Variants in CXADR observed in about 807,000 individuals in gnomAD.
CXADR encodes CXADR cell adhesion molecule.
In CXADR, 20 loss-of-function variants were observed where a neutral mutation model predicts 40.3. The observed-to-expected ratio is 0.50, with a 90% CI of 0.35 to 0.72. The LOEUF (loss-of-function observed/expected upper bound fraction) is 0.72, where lower values mean the gene tolerates loss of function less well. Ranked by LOEUF, CXADR falls within the 30% of genes least tolerant of loss-of-function variation. CXADR has a pLI of 0.01. For synonymous variants in CXADR, 150 were observed against 161.3 expected, an observed-to-expected ratio of 0.93 and a Z score of 0.53; for missense variants, 332 against 449.1, an observed-to-expected ratio of 0.74 and a Z score of 2.36.
At chr21:17,618,993 A>G in the CXADR span, among the ~76,000 whole-genome samples, 2 of 152,284 alleles carry the variant, frequency 1.3e-5, no homozygotes, top group Non-Finnish European at 1.5e-5. Flanking sequence ...GTCAATGAGC[A>G]GTAATATTTT....
chr21:17,562,552 G>A (rs927657054), intron 6 of CXADR, among the ~76,000 whole-genome samples: 1 of 152,188 alleles, frequency 6.6e-6, no homozygotes, highest in Non-Finnish European at 1.5e-5. Context: ...GAACTCCTGG[G>A]CTGCATTGGC....
intron 1 of CXADR, among the ~76,000 whole-genome samples, chr21:17,516,310 C>T (rs534283779): frequency 6.6e-6 from 1 of 152,240 alleles, no homozygotes; most frequent in Non-Finnish European, 1.5e-5. Context: ...ACAGCAGCCA[C>T]TTTCTCTTAC....
intron 6 of CXADR, among the ~76,000 whole-genome samples, chr21:17,563,138 A>C (rs1292572827): frequency 1.3e-5 from 2 of 152,140 alleles, no homozygotes; most frequent in African/African-American, 4.8e-5. Context: ...GGTTTTCAAC[A>C]TGCTGTCCTC....
At chr21:17,605,074 C>A in the CXADR span, 1 of 1,478,122 alleles carries the variant, frequency 6.8e-7, no homozygotes, top group Non-Finnish European at 9.2e-7. Flanking sequence ...TCATACTTGC[C>A]AAGGTGAGTA....
chr21:17,568,098 T>A lies in CXADR; in HGVS notation c.*2406T>A. 3.0e-6 allele frequency: 3 copies of A among 984,290 alleles called. No homozygotes were observed. The highest frequency in any genetic ancestry group is 3.6e-6 in the Non-Finnish European group (3 of 829,576). 61.0% of individuals were successfully genotyped at this position (984,290 alleles called of 1,614,324 possible). ...ACAAAAAATTACTAAAGCATTTCCG[T>A]TAGATCAGTCAAGGACAGTACTGCA... On this transcript the variant is annotated 3_prime_UTR_variant, in exon 7 of 7. Coordinates refer to ENST00000284878, the MANE Select transcript of CXADR (RefSeq NM_001338.5).
downstream of CXADR, among the ~76,000 whole-genome samples, chr21:17,572,607 C>T (rs918856314): frequency 1.3e-5 from 2 of 152,124 alleles, no homozygotes; most frequent in African/African-American, 4.8e-5. Context: ...TGACTCTTCT[C>T]TCCCAGATTA....
intron 1 of CXADR, among the ~76,000 whole-genome samples, chr21:17,530,899 A>G (rs1473513736): frequency 2.0e-5 from 3 of 152,194 alleles, no homozygotes; most frequent in Non-Finnish European, 4.4e-5. Flanking sequence ...CTATCAATGG[A>G]ATTTCTGAGT....
At chr21:17,605,238 A>C in the CXADR span, 1 of 348,948 alleles carries the variant, frequency 2.9e-6, no homozygotes, top group South Asian at 6.1e-5. Context: ...GGTCTACCTC[A>C]GTCTACCCAG....
At chr21:17,609,704 A>G in the CXADR span, among the ~76,000 whole-genome samples, 1 of 152,236 alleles carries the variant, frequency 6.6e-6, no homozygotes, top group Non-Finnish European at 1.5e-5. Flanking sequence ...CCACACCAAA[A>G]CCTTGTACAG....
At chr21:17,551,631 T>TTC (rs1242545693) in intron 2 of CXADR, 118 bp from the exon 3 acceptor site, 1 of 801,364 alleles carries the variant, frequency 1.2e-6, no homozygotes. Context: ...TGTGTTCTTC[T>TTC]TTTTCTTTTC....
chr21:17,625,101 G>A, the CXADR span, among the ~76,000 whole-genome samples: 34 of 152,152 alleles, frequency 2.2e-4, no homozygotes, highest in Admixed American at 9.2e-4. Context: ...CCTGTTTCTT[G>A]TACTTGGTAA....
chr21:17,588,524 G>C (rs1749107860), intron 7 of CXADR, among the ~76,000 whole-genome samples: 1 of 152,034 alleles, frequency 6.6e-6, no homozygotes, highest in African/African-American at 2.4e-5. Flanking sequence ...CTCATGATTT[G>C]GCTCTCTGTT....
chr21:17,594,447 GACACTCCTA>G, downstream of CXADR: 6 of 1,242,106 alleles, frequency 4.8e-6, no homozygotes, highest in Non-Finnish European at 6.7e-6. Flanking sequence ...ACATCTAAGT[GACACTCCTA>G]TTGTCAGGTC....
At chr21:17,600,337 GTAAT>G in the CXADR span, among the ~76,000 whole-genome samples, 1 of 152,120 alleles carries the variant, frequency 6.6e-6, no homozygotes, top group Non-Finnish European at 1.5e-5. Context: ...AGTTAGAAAT[GTAAT>G]TAAAGTGATT....
chr21:17,561,865 T>G (rs997924432), intron 6 of CXADR, among the ~76,000 whole-genome samples: 2 of 152,180 alleles, frequency 1.3e-5, no homozygotes, highest in Non-Finnish European at 2.9e-5. Flanking sequence ...TAATTTTTAT[T>G]TTCCTTAAAT....
the CXADR span, chr21:17,605,191 T>C: frequency 1.2e-4 from 69 of 571,958 alleles, no homozygotes; most frequent in African/African-American, 4.2e-4. Flanking sequence ...GAAAAAAAGA[T>C]GGCACCTATG....
At chr21:17,536,570 CT>C (rs2060760474) in intron 1 of CXADR, among the ~76,000 whole-genome samples, 1 of 152,050 alleles carries the variant, frequency 6.6e-6, no homozygotes, top group South Asian at 2.1e-4. Flanking sequence ...AGAAGGCTGA[CT>C]GAATAAGTCT....
chr21:17,594,609 G>C (rs946982141), downstream of CXADR, among the ~76,000 whole-genome samples: 1 of 152,014 alleles, frequency 6.6e-6, no homozygotes, highest in South Asian at 2.1e-4. Context: ...AACATGGAAC[G>C]AATGGAAGCT....
chr21:17,632,429 G>A, the CXADR span, among the ~76,000 whole-genome samples: 2 of 152,186 alleles, frequency 1.3e-5, no homozygotes, highest in African/African-American at 2.4e-5. Context: ...GAACAGATAA[G>A]GAAAGCACTC....
Sources: gnomAD v4.1 joint callset for allele counts (sites outside exome capture counted in the v4.1 genomes callset) on GRCh38, gnomAD v4.1.1 for gene constraint, MANE v1.5 for transcripts, NCBI Gene and HGNC (gene_info 2026-07-23, HGNC 2026-07-21) for gene names.